Variants in PPP1R42 observed in about 807,000 individuals in gnomAD.
PPP1R42 encodes the protein protein phosphatase 1 regulatory subunit 42.
A neutral mutation model predicts 31.0 loss-of-function variants in PPP1R42; 34 were observed. That is an observed-to-expected ratio of 1.10 (90% CI 0.83 to 1.46). The LOEUF (loss-of-function observed/expected upper bound fraction) is 1.46, where lower values mean the gene tolerates loss of function less well. PPP1R42 is among the 40% of genes most tolerant of loss of function. The pLI is 0.00. For missense variants in PPP1R42, 268 were observed against 303.0 expected (o/e 0.88, Z 0.86); for synonymous variants, 103 against 109.8 (o/e 0.94, Z 0.39).
chr8:67,002,766 T>C (rs528582082), intron 5 of PPP1R42, among the ~76,000 whole-genome samples: 28 of 151,088 alleles, frequency 1.9e-4, no homozygotes, highest in Non-Finnish European at 3.7e-4. Context: ...TGCTTTACTT[T>C]GGATAGTTCT....
chr8:66,988,043 T>A, intron 6 of PPP1R42: 7 of 646,894 alleles, frequency 1.1e-5, no homozygotes, highest in Non-Finnish European at 1.3e-5. Context: ...CAATTTTATC[T>A]ACAGAACCAA....
At chr8:67,006,042 T>A (rs1366146685) in intron 5 of PPP1R42, among the ~76,000 whole-genome samples, 1 of 152,184 alleles carries the variant, frequency 6.6e-6, no homozygotes, top group Non-Finnish European at 1.5e-5. Context: ...AACAGTGTAT[T>A]TACTGAGCAC....
intron 5 of PPP1R42, chr8:67,010,511 G>A: frequency 2.1e-6 from 1 of 481,684 alleles, no homozygotes; most frequent in Non-Finnish European, 3.6e-6. Flanking sequence ...GAGGGATACA[G>A]GTATTGGAGT....
rs577475900 is a variant in PPP1R42 at position 67,015,676 on chromosome 8, A to G, written c.130-1084T>C. Among the ~76,000 whole-genome samples, 12 of 150,796 alleles carry G rather than the reference A, an allele frequency of 8.0e-5. No homozygotes were observed. The Middle Eastern group carries it at 0.01, about 129-fold the overall frequency. On this transcript the variant is annotated intron_variant, in intron 2 of 7. Coordinates refer to ENST00000685739, the MANE Select transcript of PPP1R42 (RefSeq NM_001364910.1). The stretch of plus-strand genomic sequence containing the variant: ...TGGGCTCAAGTGATCCTAGCGCCCT[A>G]GCCTCTAGAGTAGCTGGGATTATAG...
intron 5 of PPP1R42, among the ~76,000 whole-genome samples, chr8:67,005,965 C>A (rs1057103837): frequency 6.6e-6 from 1 of 152,118 alleles, no homozygotes; most frequent in Non-Finnish European, 1.5e-5. Context: ...CTAAAATGAC[C>A]TTTATGATCT....
At chr8:66,976,926 T>A (rs1335177567) in intron 7 of PPP1R42, among the ~76,000 whole-genome samples, 1 of 152,182 alleles carries the variant, frequency 6.6e-6, no homozygotes, top group Non-Finnish European at 1.5e-5. Context: ...TGGTCAGTAG[T>A]GGGATTGCTA....
Position 67,010,742 on chromosome 8 carries a change from G to A in PPP1R42, c.525C>T (p.Ala175=), listed in dbSNP as rs927500536. The A allele has an allele frequency of 1.1e-5, 18 of 1,604,016 alleles. No homozygotes were observed. The highest frequency in any genetic ancestry group is 3.3e-4 in the Middle Eastern group (2 of 6,056). Residue 175 remains alanine (A), a synonymous_variant, in exon 5 of 8, where the codon GCC becomes GCT. Coordinates refer to ENST00000685739, the MANE Select transcript of PPP1R42 (RefSeq NM_001364910.1). ...ELLENLNQLI[A]VDNQLLHVKD... is the part of the protein sequence containing the mutation. ...TCACATGCAGAAGTTGGTTGTCAAC[G>A]GCTATGAGCTGATTAAGATTCTCTA...
At position 67,013,112 on chromosome 8, in the gene PPP1R42, A is replaced by G. The variant is rs776473016; in HGVS notation, c.297-16T>C. On this transcript the variant is annotated splice_polypyrimidine_tract_variant and intron_variant, in intron 3 of 7. Transcript: ENST00000685739. ...TCCCAGATACCTGCAAAACATAGAC[A>G]TAATTCTAAACAGACATTCTGAGAA... The G allele has an allele frequency of 2.9e-5, 46 of 1,574,410 alleles. No homozygotes were observed. Among genetic ancestry groups the G allele is most frequent in the Non-Finnish European group, 3.9e-5 (45 of 1,165,070 alleles).
intron 1 of PPP1R42, among the ~76,000 whole-genome samples, chr8:67,018,518 C>T (rs1816089220): frequency 7.3e-6 from 1 of 136,916 alleles, no homozygotes; most frequent in Non-Finnish European, 1.6e-5. Flanking sequence ...GCACTGCAAC[C>T]TTTTTTTTTT....
intron 7 of PPP1R42, among the ~76,000 whole-genome samples, chr8:66,964,748 T>C (rs1351404431): frequency 1.3e-5 from 2 of 152,216 alleles, no homozygotes; most frequent in African/African-American, 4.8e-5. Context: ...TGGTACTTTT[T>C]TCACATTTCA....
chr8:66,998,110 A>G (rs1815385202), intron 5 of PPP1R42, among the ~76,000 whole-genome samples: 1 of 152,184 alleles, frequency 6.6e-6, no homozygotes, highest in Non-Finnish European at 1.5e-5. Context: ...AAGTCTATTA[A>G]AATAAAAAAA....
chr8:67,024,584 C>T (rs1158093880), intron 1 of PPP1R42, among the ~76,000 whole-genome samples: 2 of 151,544 alleles, frequency 1.3e-5, no homozygotes, highest in Non-Finnish European at 2.9e-5. Context: ...AAGTGATTCT[C>T]CTGCCTCAGC....
chr8:66,968,578 G>T, intron 7 of PPP1R42: 1 of 678,316 alleles, frequency 1.5e-6, no homozygotes, highest in Non-Finnish European at 1.8e-6. Context: ...CTAAAAATCT[G>T]TTCTTTGTGT....
chr8:66,985,805 T>C (rs1346352418), intron 6 of PPP1R42: 4 of 1,231,688 alleles, frequency 3.2e-6, no homozygotes, highest in South Asian at 1.3e-5. Context: ...ATCTGTTTGA[T>C]GTGGAGCTTA....
Position 66,981,440 on chromosome 8 carries a change from C to T in PPP1R42, c.802+609G>A, listed in dbSNP as rs187834202. 2.8e-3 allele frequency among the ~76,000 whole-genome samples: 412 copies of T among 149,072 alleles called. 6 individuals carry two copies. Among genetic ancestry groups the T allele is most frequent in the African/African-American group, 9.3e-3 (374 of 40,362 alleles). On this transcript the variant is annotated intron_variant, in intron 7 of 7. Transcript: ENST00000685739. ...TGCTGCCCAGGCTGGAGTGCAATGG[C>T]GCAATCTCGGCTCACTGCAGCCTCC... is the stretch of plus-strand genomic sequence containing the variant.
At chr8:66,980,885 C>T (rs1344086505) in intron 7 of PPP1R42, among the ~76,000 whole-genome samples, 1 of 151,994 alleles carries the variant, frequency 6.6e-6, no homozygotes, top group Non-Finnish European at 1.5e-5. Context: ...TTCTGTCGCC[C>T]AGGCTGGAGT....
chr8:66,981,799 A>C (rs1251768554), intron 7 of PPP1R42, among the ~76,000 whole-genome samples: 1 of 152,192 alleles, frequency 6.6e-6, no homozygotes, highest in Non-Finnish European at 1.5e-5. Context: ...TTGTGGCTCT[A>C]TGTTTACACA....
At position 66,983,201 on chromosome 8, in the gene PPP1R42, TA is replaced by T. The variant is rs1410888719; in HGVS notation, c.671-1022del. ...TTTTGTATATTTCTTAGCATGTTTT[TA>T]TTTTCTATATATGTATATAAAATTG... is the stretch of plus-strand genomic sequence containing the variant. On this transcript the variant is annotated intron_variant, in intron 6 of 7. Coordinates refer to ENST00000685739, the MANE Select transcript of PPP1R42 (RefSeq NM_001364910.1). Among the ~76,000 whole-genome samples, 5 of 152,322 alleles carry T rather than the reference TA, an allele frequency of 3.3e-5. No homozygotes were observed. The East Asian group carries it at 9.6e-4, about 29-fold the overall frequency.
intron 6 of PPP1R42, chr8:66,985,572 C>T: frequency 7.4e-7 from 1 of 1,343,746 alleles, no homozygotes; most frequent in Non-Finnish European, 1.1e-6. Flanking sequence ...GTCCTGGCTT[C>T]AGTGCCAGCC....
Sources: gnomAD v4.1 joint callset for allele counts (sites outside exome capture counted in the v4.1 genomes callset) on GRCh38, gnomAD v4.1.1 for gene constraint, MANE v1.5 for transcripts, NCBI Gene and HGNC (gene_info 2026-07-23, HGNC 2026-07-21) for gene names.